Variants in FAM184B observed in about 807,000 individuals in gnomAD.
The protein encoded by FAM184B is family with sequence similarity 184 member B.
Under a neutral mutation model 135.9 loss-of-function variants are expected in FAM184B, and 111 were observed. The observed-to-expected ratio is 0.82, with a 90% confidence interval of 0.70 to 0.96. The LOEUF is 0.96. Among genes scored for constraint, FAM184B ranks in the 40% least tolerant of loss-of-function variants. The probability of loss-of-function intolerance (pLI) is 0.00; values close to 1 mark genes in which losing one functional copy is unlikely to be tolerated. For synonymous variants in FAM184B, 552 were observed against 524.8 expected (o/e 1.05, Z -0.71); for missense variants, 1,375 against 1,323.9 (o/e 1.04, Z -0.60).
chr4:17,686,272 G>A (rs1335303561), intron 7 of FAM184B, among the ~76,000 whole-genome samples: 1 of 152,224 alleles, frequency 6.6e-6, no homozygotes, highest in Non-Finnish European at 1.5e-5. Flanking sequence ...GAAATCTTCT[G>A]AAAGGAGAGG....
intron 7 of FAM184B, among the ~76,000 whole-genome samples, chr4:17,667,147 A>C (rs1716074418): frequency 6.6e-6 from 1 of 151,872 alleles, no homozygotes; most frequent in Admixed American, 6.6e-5. Context: ...CCCTGTAGGC[A>C]CAGGGTCTTG....
chr4:17,680,455 T>C (rs4600910), intron 7 of FAM184B, among the ~76,000 whole-genome samples: 2,285 of 152,242 alleles, frequency 0.015, 65 homozygotes, highest in African/African-American at 0.052. Flanking sequence ...AGACACCACC[T>C]GTTCCCCAAA....
intron 1 of FAM184B, among the ~76,000 whole-genome samples, chr4:17,753,126 C>T (rs983883667): frequency 6.6e-6 from 1 of 152,214 alleles, no homozygotes; most frequent in African/African-American, 2.4e-5. Context: ...CCTCCATCTG[C>T]TCCATTGGGG....
chr4:17,707,553 C>T, intron 3 of FAM184B, 96 bp downstream of exon 3: 1 of 1,484,372 alleles, frequency 6.7e-7, no homozygotes, highest in Non-Finnish European at 9.1e-7. Context: ...TGCCCCTCCT[C>T]TCTGCTCCCT....
chr4:17,703,898 TC>T (rs1266514717), intron 5 of FAM184B, among the ~76,000 whole-genome samples: 4 of 147,776 alleles, frequency 2.7e-5, no homozygotes, highest in African/African-American at 1.0e-4. Flanking sequence ...GTCACTGCAC[TC>T]CAGCCTGGTG....
chr4:17,754,068 G>C (rs763950668), intron 1 of FAM184B, among the ~76,000 whole-genome samples: 30 of 152,124 alleles, frequency 2.0e-4, no homozygotes, highest in Non-Finnish European at 3.1e-4. Flanking sequence ...ACTGGAACTG[G>C]GGGTGAACCA....
intron 1 of FAM184B, among the ~76,000 whole-genome samples, chr4:17,759,401 G>T (rs1577292250): frequency 6.6e-6 from 1 of 152,144 alleles, no homozygotes; most frequent in Non-Finnish European, 1.5e-5. Context: ...CTGAGGCCTT[G>T]CCAGCCATGC....
intron 1 of FAM184B, among the ~76,000 whole-genome samples, chr4:17,743,585 G>A (rs1052870164): frequency 2.6e-5 from 4 of 152,228 alleles, no homozygotes; most frequent in East Asian, 3.9e-4. Context: ...AACAAGAATC[G>A]TCTTGTGCTC....
At chr4:17,657,428 A>T (rs1715800588) in intron 10 of FAM184B, among the ~76,000 whole-genome samples, 1 of 152,078 alleles carries the variant, frequency 6.6e-6, no homozygotes, top group Non-Finnish European at 1.5e-5. Flanking sequence ...GCTCTCTTTT[A>T]TTCCCTCTCC....
In FAM184B at chr4:17,635,024, C is replaced by G; in HGVS notation, c.2874G>C (p.Leu958Phe). The G allele has an allele frequency of 6.4e-7, 1 of 1,551,572 alleles. No homozygotes were observed. Among genetic ancestry groups the G allele is most frequent in the Non-Finnish European group, 8.7e-7 (1 of 1,146,776 alleles). The change falls in exon 16 of 18, where the codon TTG (leucine) becomes TTC (phenylalanine). Residue 958 changes from leucine (L) to phenylalanine (F), a missense_variant. Leu to Phe is a conservative substitution (Grantham distance 22). Transcript: ENST00000265018. ...ACCAATTTACCTTCATGGAAGGGGT[C>G]AAATATCCCGGGTGAGGATTGAAAG... ...SFSFNPHPGYLTPSMKKKKVE... is the reference protein window; with the variant it reads ...SFSFNPHPGYFTPSMKKKKVE...
At chr4:17,747,834 T>C (rs1718201562) in intron 1 of FAM184B, among the ~76,000 whole-genome samples, 1 of 135,212 alleles carries the variant, frequency 7.4e-6, no homozygotes, top group Admixed American at 8.5e-5. Flanking sequence ...GGCAGGAGAA[T>C]GGCGTGAACC....
chr4:17,683,477 A>C (rs1716495378), intron 7 of FAM184B, among the ~76,000 whole-genome samples: 1 of 152,202 alleles, frequency 6.6e-6, no homozygotes, highest in South Asian at 2.1e-4. Flanking sequence ...TGGTGAAGCA[A>C]AGAGACATTA....
In FAM184B at chr4:17,664,633, A is replaced by T. The variant is rs1341909613; in HGVS notation, c.1623T>A (p.Thr541=). 1 of 1,550,864 alleles carries T rather than the reference A, an allele frequency of 6.4e-7. No homozygotes were observed. Among genetic ancestry groups the T allele is most frequent in the South Asian group, 1.2e-5 (1 of 83,960 alleles). Residue 541 remains threonine, a synonymous_variant, in exon 8 of 18, where the codon ACT becomes ACA. Coordinates refer to ENST00000265018, the MANE Select transcript of FAM184B (RefSeq NM_015688.2). ...CTTGATACTCCTCTCCTCTCGGCGA[A>T]GTTTCATCCAGCTTCAAGCATGGAT... ...TQDPCLKLDE[T]SPRGEEYQDK...
At position 17,713,251 on chromosome 4, in the gene FAM184B, G is replaced by A. The variant is rs60694617; in HGVS notation, c.142-3607C>T. 2.9e-3 allele frequency among the ~76,000 whole-genome samples: 438 copies of A among 152,356 alleles called. 1 individual carries two copies. The highest frequency in any genetic ancestry group is 9.7e-3 in the African/African-American group (402 of 41,578). ...GTAACTCAAGGTGCGATATGAATGT[G>A]ACATCTTGTGAAGCCCTGGGAGAAT... On this transcript the variant is annotated intron_variant, in intron 1 of 17. Coordinates refer to ENST00000265018, the MANE Select transcript of FAM184B (RefSeq NM_015688.2).
chr4:17,757,657 G>A (rs1412238054), intron 1 of FAM184B, among the ~76,000 whole-genome samples: 1 of 152,116 alleles, frequency 6.6e-6, no homozygotes, highest in Non-Finnish European at 1.5e-5. Context: ...AGATTCACAT[G>A]TGTTGGTAAT....
intron 7 of FAM184B, among the ~76,000 whole-genome samples, chr4:17,669,756 T>G (rs1716128842): frequency 6.6e-6 from 1 of 152,040 alleles, no homozygotes; most frequent in African/African-American, 2.4e-5. Context: ...AATGGGAGAT[T>G]TTAATATACA....
chr4:17,708,860 C>T (rs1489228145), intron 2 of FAM184B, 32 bp downstream of exon 2: 2 of 1,478,472 alleles, frequency 1.4e-6, no homozygotes, highest in South Asian at 2.8e-5. Context: ...TGATTTATCC[C>T]TTTGGGGTTG....
chr4:17,712,075 C>A (rs532095614), intron 1 of FAM184B, among the ~76,000 whole-genome samples: 1 of 152,314 alleles, frequency 6.6e-6, no homozygotes, highest in South Asian at 2.1e-4. Flanking sequence ...AGATTTTCCT[C>A]AGTCAGGTTC....
At chr4:17,692,377 A>C (rs551519090) in intron 6 of FAM184B, among the ~76,000 whole-genome samples, 1 of 152,336 alleles carries the variant, frequency 6.6e-6, no homozygotes, top group South Asian at 2.1e-4. Context: ...TATCAACTCT[A>C]AGGAAAGACA....
Sources: allele counts gnomAD v4.1 joint callset (sites outside exome capture counted in the v4.1 genomes callset), GRCh38; gene constraint gnomAD v4.1.1; transcripts MANE v1.5; gene names NCBI Gene and HGNC (gene_info 2026-07-23, HGNC 2026-07-21).